The following MYLK variants were observed in gnomAD, a reference collection of about 807,000 sequenced individuals.
The protein encoded by MYLK is myosin light chain kinase.
In MYLK, 106 loss-of-function variants were observed where a neutral mutation model predicts 203.4. The ratio of observed to expected loss-of-function variants is 0.52; its 90% CI spans 0.45 to 0.61. The LOEUF (loss-of-function observed/expected upper bound fraction) is 0.61, where lower values mean the gene tolerates loss of function less well. MYLK is among the 20% of genes least tolerant of loss of function. The probability of loss-of-function intolerance (pLI) is 0.00; values close to 1 mark genes in which losing one functional copy is unlikely to be tolerated. For missense variants in MYLK, 2,072 were observed against 2,442.3 expected (o/e 0.85, Z 3.20); for synonymous variants, 867 against 959.5 (o/e 0.90, Z 1.78).
At chr3:123,852,780 A>G (rs2030959069) in intron 2 of MYLK, among the ~76,000 whole-genome samples, 1 of 152,164 alleles carries the variant, frequency 6.6e-6, no homozygotes, top group Admixed American at 6.6e-5. Flanking sequence ...GGAGCTCTTA[A>G]CTGCATATGC....
At chr3:123,808,671 T>G (rs2065452789) in intron 3 of MYLK, among the ~76,000 whole-genome samples, 2 of 152,152 alleles carry the variant, frequency 1.3e-5, no homozygotes, top group Non-Finnish European at 2.9e-5. Flanking sequence ...AAAGGAAACC[T>G]AAGGTCCAGA....
At chr3:123,830,770 AG>A (rs1459889736) in intron 3 of MYLK, among the ~76,000 whole-genome samples, 2 of 152,224 alleles carry the variant, frequency 1.3e-5, no homozygotes, top group Non-Finnish European at 2.9e-5. Flanking sequence ...GAGGGGGTCA[AG>A]GGTAGCAGCG....
At chr3:123,748,331 T>C (rs2063083756) in intron 5 of MYLK, among the ~76,000 whole-genome samples, 1 of 152,206 alleles carries the variant, frequency 6.6e-6, no homozygotes, top group African/African-American at 2.4e-5. Context: ...CACCAGGCCC[T>C]ACCTCCAACC....
At chr3:123,853,571 T>C (rs1426442067) in intron 2 of MYLK, among the ~76,000 whole-genome samples, 1 of 152,154 alleles carries the variant, frequency 6.6e-6, no homozygotes. Context: ...CTATTCCAGT[T>C]ATCCTGCCCG....
chr3:123,823,382 C>T (rs1301142054), intron 3 of MYLK, among the ~76,000 whole-genome samples: 1 of 152,214 alleles, frequency 6.6e-6, no homozygotes. Flanking sequence ...CAGGACCTCT[C>T]CATTTCCTCC....
chr3:123,822,899 A>C (rs2065985062), intron 3 of MYLK, among the ~76,000 whole-genome samples: 1 of 152,178 alleles, frequency 6.6e-6, no homozygotes. Context: ...TTTTGGAGTG[A>C]GGCAGTTAAG....
chr3:123,680,784 T>C (rs2060236145), intron 20 of MYLK, among the ~76,000 whole-genome samples: 1 of 152,248 alleles, frequency 6.6e-6, no homozygotes, highest in Non-Finnish European at 1.5e-5. Context: ...CCCGGCTCAA[T>C]TATTTTCCCC....
intron 33 of MYLK, among the ~76,000 whole-genome samples, chr3:123,614,826 G>A (rs563040503): frequency 6.6e-6 from 1 of 151,488 alleles, no homozygotes; most frequent in East Asian, 2.0e-4. Context: ...GGGGGTAGGG[G>A]GGCAGGGTCT....
At chr3:123,772,428 C>T (rs574092241) in intron 4 of MYLK, among the ~76,000 whole-genome samples, 8 of 152,102 alleles carry the variant, frequency 5.3e-5, no homozygotes, top group African/African-American at 7.2e-5. Context: ...AGATCCCTTC[C>T]TCACATTACA....
At chr3:123,863,871 A>G (rs1406297803) in intron 2 of MYLK, among the ~76,000 whole-genome samples, 1 of 152,216 alleles carries the variant, frequency 6.6e-6, no homozygotes, top group African/African-American at 2.4e-5. Flanking sequence ...AGAAATGAAA[A>G]CATATGTCTA....
chr3:123,739,163 T>A, intron 6 of MYLK, 101 bp from the exon 7 acceptor site: 1 of 1,353,642 alleles, frequency 7.4e-7, no homozygotes, highest in Non-Finnish European at 1.0e-6. Flanking sequence ...TCAGAAGCCA[T>A]CAAAGTGTAG....
chr3:123,876,554 A>G lies in MYLK; in HGVS notation c.-127+5T>C, dbSNP rs1301617511. On this transcript the variant is annotated splice_donor_5th_base_variant and intron_variant, in intron 2 of 33. Transcript: ENST00000360304. ...ATAAGAATCCATCTTTTATCATGCT[A>G]TTACCTTTATTTTTTCTCTTCAGCT... The G allele has an allele frequency of 3.3e-5, 5 of 152,188 alleles. No individual in the cohort carries two copies. Among genetic ancestry groups the G allele is most frequent in the Non-Finnish European group, 5.9e-5 (4 of 68,030 alleles). The allele number at this position is 152,188 out of a possible 1,614,324, so 9.4% of individuals were successfully genotyped here.
At chr3:123,624,947 TGTG>T (rs1193031292) in intron 31 of MYLK, 1 of 152,244 alleles carries the variant, frequency 6.6e-6, no homozygotes, top group Non-Finnish European at 1.5e-5. Flanking sequence ...AGTCACCTGG[TGTG>T]GTAAATGACC....
chr3:123,659,927 A>G (rs970034356), intron 23 of MYLK, among the ~76,000 whole-genome samples: 4 of 152,208 alleles, frequency 2.6e-5, no homozygotes, highest in Admixed American at 2.0e-4. Flanking sequence ...AAATGTTCTA[A>G]TTTCCAGGAA....
intron 4 of MYLK, among the ~76,000 whole-genome samples, chr3:123,757,370 C>T (rs78085326): frequency 3.3e-5 from 5 of 152,144 alleles, no homozygotes; most frequent in Admixed American, 6.5e-5. Context: ...GCTGATTCTG[C>T]AGATCTGCCG....
intron 2 of MYLK, among the ~76,000 whole-genome samples, chr3:123,870,086 G>T (rs761189895): frequency 6.6e-6 from 1 of 152,136 alleles, no homozygotes; most frequent in African/African-American, 2.4e-5. Flanking sequence ...AGAAAGCCAT[G>T]GTCCTGGAAA....
chr3:123,791,607 T>C (rs2109092250), intron 4 of MYLK, among the ~76,000 whole-genome samples: 1 of 152,342 alleles, frequency 6.6e-6, no homozygotes, highest in South Asian at 2.1e-4. Flanking sequence ...TGCCAAGGCA[T>C]TGTTCTGGGT....
intron 4 of MYLK, among the ~76,000 whole-genome samples, chr3:123,757,371 A>G (rs2063389706): frequency 6.6e-6 from 1 of 152,194 alleles, no homozygotes; most frequent in Non-Finnish European, 1.5e-5. Flanking sequence ...CTGATTCTGC[A>G]GATCTGCCGC....
At chr3:123,715,525 T>C (rs1479671850) in intron 13 of MYLK, among the ~76,000 whole-genome samples, 1 of 152,256 alleles carries the variant, frequency 6.6e-6, no homozygotes. Flanking sequence ...TATAAATTGA[T>C]ACCCAACATG....
Sources: allele counts gnomAD v4.1 joint callset (sites outside exome capture counted in the v4.1 genomes callset), GRCh38; gene constraint gnomAD v4.1.1; transcripts MANE v1.5; gene names NCBI Gene and HGNC (gene_info 2026-07-23, HGNC 2026-07-21).